RBFOX1: variants seen among roughly 807,000 people sequenced by gnomAD.
RBFOX1 encodes RNA binding fox-1 homolog 1.
A neutral mutation model predicts 57.7 loss-of-function variants in RBFOX1; 8 were observed. That is an observed-to-expected ratio of 0.14 (90% CI 0.08 to 0.25). The LOEUF is 0.25. Among genes scored for constraint, RBFOX1 ranks in the 10% least tolerant of loss-of-function variants. The pLI is 1.00. For synonymous variants in RBFOX1, 326 were observed against 222.4 expected (o/e 1.47, Z -4.15); for missense variants, 611 against 548.5 (o/e 1.11, Z -1.14).
At position 7,012,762 on chromosome 16, in the gene RBFOX1, T is replaced by C. The variant is rs186251885; in HGVS notation, c.-15-39295T>C. ...GCACACTGGATTAGAGGAGAAGTAA[T>C]GTTTCCTTTCAAGTTTTGACCCATT... On this transcript the variant is annotated intron_variant, in intron 3 of 15. Transcript: ENST00000550418. Among the ~76,000 whole-genome samples the C allele has an allele frequency of 2.1e-3, 321 of 152,300 alleles. 4 individuals carry two copies. Among genetic ancestry groups the C allele is most frequent in the Non-Finnish European group, 3.3e-3 (227 of 68,034 alleles).
At chr16:5,718,069 G>C (rs1258477074) in intron 3 of RBFOX1, among the ~76,000 whole-genome samples, 1 of 152,178 alleles carries the variant, frequency 6.6e-6, no homozygotes, top group Non-Finnish European at 1.5e-5. Flanking sequence ...ACTTGCTCTG[G>C]ACAATAGGGT....
At chr16:6,747,086 A>G (rs1010228767) in intron 3 of RBFOX1, among the ~76,000 whole-genome samples, 2 of 152,122 alleles carry the variant, frequency 1.3e-5, no homozygotes, top group African/African-American at 4.8e-5. Flanking sequence ...GCAGGTCCCT[A>G]TACCATGCCA....
chr16:7,302,760 G>A (rs1248556430), intron 4 of RBFOX1, among the ~76,000 whole-genome samples: 1 of 119,014 alleles, frequency 8.4e-6, no homozygotes, highest in Non-Finnish European at 1.7e-5. Context: ...TTTTTTTCCT[G>A]TCAGGACCAA....
chr16:5,428,480 T>C (rs1027666043), intron 1 of RBFOX1, among the ~76,000 whole-genome samples: 2 of 152,122 alleles, frequency 1.3e-5, no homozygotes, highest in East Asian at 1.9e-4. Flanking sequence ...CTGAGAGATA[T>C]GCATTCTAGT....
At chr16:7,520,272 A>G (rs1052683261) in intron 5 of RBFOX1, among the ~76,000 whole-genome samples, 1 of 152,230 alleles carries the variant, frequency 6.6e-6, no homozygotes, top group Non-Finnish European at 1.5e-5. Flanking sequence ...GGTAAAATAC[A>G]TATAACATAA....
At chr16:5,856,617 A>C (rs1443169491) in intron 3 of RBFOX1, among the ~76,000 whole-genome samples, 1 of 128,858 alleles carries the variant, frequency 7.8e-6, no homozygotes, top group Admixed American at 8.1e-5. Flanking sequence ...TCTTAGCCAG[A>C]TCTTCTGGAT....
At chr16:6,990,092 G>C (rs779537862) in intron 3 of RBFOX1, among the ~76,000 whole-genome samples, 2 of 152,254 alleles carry the variant, frequency 1.3e-5, no homozygotes, top group Non-Finnish European at 2.9e-5. Flanking sequence ...GTCAGATACT[G>C]CTTGTTTTTA....
chr16:5,267,756 G>A (rs2062897825), intron 1 of RBFOX1, among the ~76,000 whole-genome samples: 1 of 152,210 alleles, frequency 6.6e-6, no homozygotes, highest in East Asian at 1.9e-4. Flanking sequence ...TGGAACCACA[G>A]TGTGTCAGAA....
chr16:5,735,621 G>T (rs1469510782), intron 3 of RBFOX1, among the ~76,000 whole-genome samples: 1 of 152,176 alleles, frequency 6.6e-6, no homozygotes, highest in Non-Finnish European at 1.5e-5. Context: ...CATGGGCCGG[G>T]CCCAGTGGTT....
intron 3 of RBFOX1, among the ~76,000 whole-genome samples, chr16:6,738,683 A>G (rs1050868090): frequency 1.3e-5 from 2 of 152,154 alleles, no homozygotes; most frequent in African/African-American, 4.8e-5. Context: ...AGCAGAATAC[A>G]CATTCTTTTA....
intron 3 of RBFOX1, among the ~76,000 whole-genome samples, chr16:5,733,626 G>A (rs190415561): frequency 2.0e-5 from 3 of 152,232 alleles, no homozygotes; most frequent in African/African-American, 4.8e-5. Context: ...GCCTCATGAT[G>A]TTACTCTTGT....
chr16:7,638,425 C>G (rs112445246), intron 11 of RBFOX1, among the ~76,000 whole-genome samples: 1 of 1,344 alleles, frequency 7.4e-4, no homozygotes, highest in Non-Finnish European at 0.014. Context: ...TCTCAACTTA[C>G]CCCAGAGGCT....
At chr16:5,386,105 CTTT>C (rs33929621) in intron 1 of RBFOX1, among the ~76,000 whole-genome samples, 15 of 146,796 alleles carry the variant, frequency 1.0e-4, no homozygotes, top group East Asian at 4.0e-4. Context: ...AAGTTTGCAA[CTTT>C]TTTTTTTTTT....
intron 2 of RBFOX1, among the ~76,000 whole-genome samples, chr16:5,491,002 G>T (rs574724742): frequency 6.6e-6 from 1 of 151,934 alleles, no homozygotes; most frequent in Non-Finnish European, 1.5e-5. Flanking sequence ...AACCAAATGC[G>T]CAATTACTGA....
chr16:5,308,925 C>T (rs1327336261), intron 1 of RBFOX1, among the ~76,000 whole-genome samples: 2 of 152,162 alleles, frequency 1.3e-5, no homozygotes. Flanking sequence ...GTTTCTCTCC[C>T]ACCTCCCCTG....
intron 1 of RBFOX1, among the ~76,000 whole-genome samples, chr16:5,350,859 C>G (rs2065247617): frequency 7.2e-6 from 1 of 139,592 alleles, no homozygotes; most frequent in Non-Finnish European, 1.5e-5. Context: ...AAGTGAAACT[C>G]CATCTCAAGA....
At chr16:7,614,791 C>T (rs1036030948) in intron 10 of RBFOX1, 6 of 152,176 alleles carry the variant, frequency 3.9e-5, no homozygotes, top group Non-Finnish European at 7.3e-5. Context: ...CTTGTTTCTC[C>T]TCAAATCCTT....
At chr16:6,758,415 C>CGG (rs2076132893) in intron 3 of RBFOX1, among the ~76,000 whole-genome samples, 1 of 152,186 alleles carries the variant, frequency 6.6e-6, no homozygotes, top group African/African-American at 2.4e-5. Flanking sequence ...GTCATAGCAA[C>CGG]GGGTGCTAGA....
chr16:5,344,769 A>G (rs746835124), intron 1 of RBFOX1, among the ~76,000 whole-genome samples: 3 of 152,186 alleles, frequency 2.0e-5, no homozygotes, highest in Non-Finnish European at 4.4e-5. Flanking sequence ...AAGTAAACAA[A>G]ATTATCCAAC....
Sources: gnomAD v4.1 joint callset for allele counts (sites outside exome capture counted in the v4.1 genomes callset) on GRCh38, gnomAD v4.1.1 for gene constraint, MANE v1.5 for transcripts, NCBI Gene and HGNC (gene_info 2026-07-23, HGNC 2026-07-21) for gene names.